The following PDCL2 variants were observed in gnomAD, a reference collection of about 807,000 sequenced individuals.
PDCL2 encodes the protein phosducin-like protein 2.
In PDCL2, 23 loss-of-function variants were observed where a neutral mutation model predicts 30.3. The ratio of observed to expected loss-of-function variants is 0.76; its 90% CI spans 0.55 to 1.08. The LOEUF (loss-of-function observed/expected upper bound fraction) is 1.08, where lower values mean the gene tolerates loss of function less well. Ranked by LOEUF, PDCL2 falls within the 50% of genes least tolerant of loss-of-function variation. PDCL2 has a pLI of 0.00. For missense variants in PDCL2, 243 were observed against 282.3 expected (o/e 0.86, Z 1.00); for synonymous variants, 68 against 86.2 (o/e 0.79, Z 1.17).
At chr4:55,591,573 G>A (rs1733002188) in intron 1 of PDCL2, among the ~76,000 whole-genome samples, 1 of 152,204 alleles carries the variant, frequency 6.6e-6, no homozygotes, top group African/African-American at 2.4e-5. Context: ...TTTTAGTAGA[G>A]ATGGGGTTTC....
chr4:55,561,069 T>C (rs1265295574), intron 5 of PDCL2, among the ~76,000 whole-genome samples: 1 of 152,220 alleles, frequency 6.6e-6, no homozygotes, highest in Non-Finnish European at 1.5e-5. Context: ...TATTATTCTA[T>C]GTATTCTTTT....
At chr4:55,582,088 C>T (rs780097691) in intron 2 of PDCL2, 29 bp downstream of exon 2, 18 of 1,610,042 alleles carry the variant, frequency 1.1e-5, no homozygotes, top group Non-Finnish European at 1.5e-5. Flanking sequence ...TTATTCCCAT[C>T]ATCCAGCCCA....
chr4:55,575,971 T>C (rs1258117452), intron 3 of PDCL2, among the ~76,000 whole-genome samples: 1 of 152,096 alleles, frequency 6.6e-6, no homozygotes, highest in Non-Finnish European at 1.5e-5. Context: ...CACCAGATAG[T>C]ATCCAAAGCC....
chr4:55,564,636 G>C (rs1266161805), intron 4 of PDCL2, among the ~76,000 whole-genome samples: 1 of 152,110 alleles, frequency 6.6e-6, no homozygotes, highest in Non-Finnish European at 1.5e-5. Context: ...TAAATCATTG[G>C]GCTTACTGGC....
chr4:55,590,735 T>G (rs1732979229), intron 1 of PDCL2, among the ~76,000 whole-genome samples: 1 of 152,088 alleles, frequency 6.6e-6, no homozygotes, highest in African/African-American at 2.4e-5. Flanking sequence ...CCTCAAGGGA[T>G]CTGCCTGCCT....
intron 1 of PDCL2, among the ~76,000 whole-genome samples, chr4:55,590,451 C>T (rs1732970723): frequency 9.5e-6 from 1 of 104,782 alleles, no homozygotes; most frequent in Admixed American, 1.0e-4. Context: ...AGAGCAAGAT[C>T]CTGTCTCCAA....
chr4:55,585,488 A>G (rs1056449697), intron 1 of PDCL2, among the ~76,000 whole-genome samples: 17 of 152,032 alleles, frequency 1.1e-4, no homozygotes, highest in African/African-American at 4.1e-4. Flanking sequence ...AGATTGCGCC[A>G]TTGCACTCCA....
At chr4:55,571,118 C>G (rs1326499926) in intron 3 of PDCL2, among the ~76,000 whole-genome samples, 1 of 152,102 alleles carries the variant, frequency 6.6e-6, no homozygotes, top group Admixed American at 6.5e-5. Context: ...CCTCTACAGC[C>G]CAGAGCCCAC....
chr4:55,591,337 T>A (rs1732994330), intron 1 of PDCL2, among the ~76,000 whole-genome samples: 2 of 152,024 alleles, frequency 1.3e-5, no homozygotes, highest in South Asian at 4.2e-4. Flanking sequence ...TAAGGAACCA[T>A]TAGACAGAGG....
chr4:55,585,291 G>A (rs1732830953), intron 1 of PDCL2, among the ~76,000 whole-genome samples: 1 of 152,160 alleles, frequency 6.6e-6, no homozygotes, highest in Non-Finnish European at 1.5e-5. Context: ...ACTTTAGCAG[G>A]CCGAGGTGGG....
chr4:55,568,440 G>T (rs868345052), intron 4 of PDCL2, among the ~76,000 whole-genome samples: 11 of 152,152 alleles, frequency 7.2e-5, no homozygotes, highest in African/African-American at 2.7e-4. Context: ...TCAGAGAGCT[G>T]ATATATCTAA....
At chr4:55,570,338 C>T (rs57219525) in intron 3 of PDCL2, among the ~76,000 whole-genome samples, 10,544 of 152,156 alleles carry the variant, frequency 0.069, 1,218 homozygotes, top group African/African-American at 0.24. Flanking sequence ...AACAGTCATG[C>T]TAAGATGATC....
chr4:55,557,894 TAAG>T (rs1732013550), intron 5 of PDCL2, among the ~76,000 whole-genome samples: 1 of 144,208 alleles, frequency 6.9e-6, no homozygotes, highest in Admixed American at 7.1e-5. Flanking sequence ...TCACCTGAGG[TAAG>T]GAGTTCAAGA....
At chr4:55,589,760 G>T (rs1272096205) in intron 1 of PDCL2, among the ~76,000 whole-genome samples, 1 of 152,150 alleles carries the variant, frequency 6.6e-6, no homozygotes. Context: ...GGATACATTG[G>T]AGATACCAGG....
intron 1 of PDCL2, among the ~76,000 whole-genome samples, chr4:55,586,143 A>G (rs964414242): frequency 6.6e-6 from 1 of 151,842 alleles, no homozygotes; most frequent in African/African-American, 2.4e-5. Context: ...TGCCTTCCAT[A>G]GGTTTTGTTG....
chr4:55,565,584 G>T (rs779706615), intron 4 of PDCL2, among the ~76,000 whole-genome samples: 2 of 152,036 alleles, frequency 1.3e-5, no homozygotes, highest in Non-Finnish European at 2.9e-5. Context: ...ATTACCTCCC[G>T]CCATGTCCCT....
At chr4:55,579,876 C>T (rs140313869) in intron 3 of PDCL2, among the ~76,000 whole-genome samples, 2,193 of 149,542 alleles carry the variant, frequency 0.015, 49 homozygotes, top group African/African-American at 0.051. Context: ...GGTGGAGTTT[C>T]GCTCTTGTTG....
intron 1 of PDCL2, among the ~76,000 whole-genome samples, chr4:55,590,599 G>C (rs1207731094): frequency 6.6e-6 from 1 of 151,678 alleles, no homozygotes; most frequent in African/African-American, 2.4e-5. Context: ...CGATTCTCCT[G>C]TCTCAGCCTC....
chr4:55,558,160 A>G (rs1354654879), intron 5 of PDCL2, among the ~76,000 whole-genome samples: 1 of 151,902 alleles, frequency 6.6e-6, no homozygotes, highest in Non-Finnish European at 1.5e-5. Flanking sequence ...TGAAATTTTA[A>G]TAAATGGTGT....
Sources: allele counts gnomAD v4.1 joint callset (sites outside exome capture counted in the v4.1 genomes callset), GRCh38; gene constraint gnomAD v4.1.1; transcripts MANE v1.5; gene names NCBI Gene and HGNC (gene_info 2026-07-23, HGNC 2026-07-21).